The following KIAA1217 variants were observed in gnomAD, a reference collection of about 807,000 sequenced individuals.
KIAA1217 encodes the protein KIAA1217.
In KIAA1217, 88 loss-of-function variants were observed where a neutral mutation model predicts 163.9. That is an observed-to-expected ratio of 0.54 (90% confidence interval 0.45 to 0.64). KIAA1217 has a LOEUF of 0.64. Ranked by LOEUF, KIAA1217 falls within the 30% of genes least tolerant of loss-of-function variation. The pLI, the probability that KIAA1217 is intolerant of heterozygous loss-of-function variation, is 0.00. For synonymous variants in KIAA1217, 903 were observed against 923.1 expected, an observed-to-expected ratio of 0.98 and a Z score of 0.39; for missense variants, 2,372 against 2,475.0, an observed-to-expected ratio of 0.96 and a Z score of 0.88.
intron 1 of KIAA1217, among the ~76,000 whole-genome samples, chr10:23,854,111 G>T (rs1160030806): frequency 6.6e-6 from 1 of 152,064 alleles, no homozygotes; most frequent in Non-Finnish European, 1.5e-5. Flanking sequence ...ATGTTAGGGT[G>T]TCAATTTTGG....
intron 1 of KIAA1217, among the ~76,000 whole-genome samples, chr10:23,826,764 A>G (rs918012158): frequency 3.3e-5 from 5 of 152,134 alleles, no homozygotes; most frequent in Non-Finnish European, 5.9e-5. Context: ...CAAATGCTCC[A>G]AGGGCTATCA....
At chr10:24,536,255 G>A (rs2135236873) in intron 16 of KIAA1217, among the ~76,000 whole-genome samples, 1 of 152,270 alleles carries the variant, frequency 6.6e-6, no homozygotes, top group East Asian at 1.9e-4. Context: ...TACTCTAAAT[G>A]AGCCTCAGAA....
intron 2 of KIAA1217, among the ~76,000 whole-genome samples, chr10:24,159,263 T>G (rs946353050): frequency 1.3e-5 from 2 of 152,148 alleles, no homozygotes; most frequent in Non-Finnish European, 2.9e-5. Flanking sequence ...CACAGAGTGT[T>G]CTCTTGGTGT....
At chr10:24,117,251 G>A (rs2131763741) in intron 2 of KIAA1217, among the ~76,000 whole-genome samples, 1 of 152,216 alleles carries the variant, frequency 6.6e-6, no homozygotes, top group South Asian at 2.1e-4. Flanking sequence ...TGGTCAGGCT[G>A]GTCTCGATCT....
chr10:24,297,034 C>T (rs1243913731), intron 2 of KIAA1217, among the ~76,000 whole-genome samples: 1 of 152,088 alleles, frequency 6.6e-6, no homozygotes, highest in Non-Finnish European at 1.5e-5. Flanking sequence ...CTGGGATTTT[C>T]AAAATGCAAA....
intron 2 of KIAA1217, among the ~76,000 whole-genome samples, chr10:24,247,716 G>T (rs1258436649): frequency 6.6e-6 from 1 of 152,124 alleles, no homozygotes. Context: ...CAGGAGAATG[G>T]CATGAACCCG....
chr10:24,079,084 A>G (rs1023040138), intron 2 of KIAA1217, among the ~76,000 whole-genome samples: 3 of 152,216 alleles, frequency 2.0e-5, no homozygotes, highest in Non-Finnish European at 4.4e-5. Context: ...GGACCTTTCA[A>G]ACCTGACGAT....
intron 6 of KIAA1217, among the ~76,000 whole-genome samples, chr10:24,493,506 A>G (rs1042908734): frequency 3.3e-5 from 5 of 152,258 alleles, no homozygotes; most frequent in African/African-American, 4.8e-5. Flanking sequence ...AAACATGGCA[A>G]TAGTTCTGCG....
intron 1 of KIAA1217, among the ~76,000 whole-genome samples, chr10:23,900,778 T>A (rs1304890439): frequency 2.0e-5 from 3 of 152,008 alleles, no homozygotes; most frequent in Admixed American, 2.0e-4. Context: ...AGAAATAGAC[T>A]CCAGTTAAAG....
chr10:24,062,971 A>G (rs1589352682), intron 2 of KIAA1217, among the ~76,000 whole-genome samples: 1 of 149,494 alleles, frequency 6.7e-6, no homozygotes, highest in East Asian at 1.9e-4. Context: ...TCCTTCGCCC[A>G]CTTTTCGATG....
intron 2 of KIAA1217, among the ~76,000 whole-genome samples, chr10:24,364,899 A>G (rs1463922598): frequency 6.6e-6 from 1 of 151,926 alleles, no homozygotes; most frequent in Non-Finnish European, 1.5e-5. Flanking sequence ...CCTGAGGTCA[A>G]GCAGTCCTCC....
chr10:23,852,345 G>A (rs906148094), intron 1 of KIAA1217, among the ~76,000 whole-genome samples: 1 of 152,148 alleles, frequency 6.6e-6, no homozygotes, highest in African/African-American at 2.4e-5. Context: ...CGCTATTTCT[G>A]AGGGCTCTGT....
Position 23,946,007 on chromosome 10 carries a change from T to G in KIAA1217, c.-320-61218T>G, listed in dbSNP as rs1022008566. Among the ~76,000 whole-genome samples the G allele has an allele frequency of 2.6e-5, 4 of 152,330 alleles. No homozygotes were observed. The South Asian group carries it at 8.3e-4, about 32-fold the overall frequency. On this transcript the variant is annotated intron_variant, in intron 1 of 18. Transcript: ENST00000376462. Reference sequence around the variant, plus strand: ...TACTCTAGTGGTTACTTAAGTTCCATGTCAATAGTATTAGGCTGGTGAAAT... The same window carrying G: ...TACTCTAGTGGTTACTTAAGTTCCAGGTCAATAGTATTAGGCTGGTGAAAT...
intron 1 of KIAA1217, among the ~76,000 whole-genome samples, chr10:23,727,039 G>A (rs1478252419): frequency 4.4e-5 from 6 of 134,844 alleles, no homozygotes; most frequent in Non-Finnish European, 9.1e-5. Context: ...CCAGGCTGGA[G>A]TGCAGTGGCA....
intron 1 of KIAA1217, among the ~76,000 whole-genome samples, chr10:23,971,216 G>A (rs544235770): frequency 3.9e-5 from 6 of 152,152 alleles, no homozygotes; most frequent in Admixed American, 2.6e-4. Context: ...CTTTTGAGGC[G>A]CTCTTCCCTT....
chr10:24,315,380 G>A (rs1007056674), intron 2 of KIAA1217, among the ~76,000 whole-genome samples: 2 of 152,202 alleles, frequency 1.3e-5, no homozygotes, highest in Non-Finnish European at 2.9e-5. Context: ...TTCCCTGCCT[G>A]TTTTCTGGAG....
At chr10:23,898,788 G>A (rs1841824843) in intron 1 of KIAA1217, among the ~76,000 whole-genome samples, 2 of 151,968 alleles carry the variant, frequency 1.3e-5, no homozygotes. Context: ...CTGTCTCAAT[G>A]AATTTGACTA....
chr10:23,800,271 G>T (rs1012443820), intron 1 of KIAA1217, among the ~76,000 whole-genome samples: 2 of 152,114 alleles, frequency 1.3e-5, no homozygotes, highest in Non-Finnish European at 2.9e-5. Context: ...ATTTGAGGGG[G>T]TTCATAAAAC....
intron 1 of KIAA1217, among the ~76,000 whole-genome samples, chr10:23,754,793 C>T (rs1198983524): frequency 2.6e-5 from 4 of 151,836 alleles, no homozygotes; most frequent in African/African-American, 7.3e-5. Flanking sequence ...CTCTGGGCAT[C>T]GCCTGAGAGA....
Sources: gnomAD v4.1 joint callset for allele counts (sites outside exome capture counted in the v4.1 genomes callset) on GRCh38, gnomAD v4.1.1 for gene constraint, MANE v1.5 for transcripts, NCBI Gene and HGNC (gene_info 2026-07-23, HGNC 2026-07-21) for gene names.